The following NEK11 variants were observed in gnomAD, a reference collection of about 807,000 sequenced individuals.
NEK11 encodes serine/threonine-protein kinase Nek11.
Under a neutral mutation model 80.7 loss-of-function variants are expected in NEK11, and 72 were observed. The observed-to-expected ratio is 0.89, with a 90% CI of 0.74 to 1.08. The LOEUF is 1.08. Among genes scored for constraint, NEK11 ranks in the 50% least tolerant of loss-of-function variants. The pLI, the probability that NEK11 is intolerant of heterozygous loss-of-function variation, is 0.00. For missense variants in NEK11, 764 were observed against 763.6 expected (o/e 1.00, Z -0.01); for synonymous variants, 251 against 260.7 (o/e 0.96, Z 0.36).
At chr3:131,049,107 T>C (rs2067921659) in intron 3 of NEK11, among the ~76,000 whole-genome samples, 2 of 152,230 alleles carry the variant, frequency 1.3e-5, no homozygotes, top group South Asian at 4.1e-4. Context: ...TTTTTGGTTG[T>C]AGTTAGCTAA....
intron 12 of NEK11, among the ~76,000 whole-genome samples, chr3:131,166,776 C>A (rs1045546804): frequency 6.6e-6 from 1 of 152,076 alleles, no homozygotes. Context: ...GCCATGGGGT[C>A]AACAATAGGG....
At chr3:131,233,010 A>AAGGAAGGT (rs1406462228) in intron 15 of NEK11, among the ~76,000 whole-genome samples, 1 of 151,126 alleles carries the variant, frequency 6.6e-6, no homozygotes, top group East Asian at 2.0e-4. Context: ...GGAAGGAAGG[A>AAGGAAGGT]AGGAAGGAAG....
chr3:131,338,836 A>G (rs1192472714), intron 17 of NEK11, among the ~76,000 whole-genome samples: 1 of 152,216 alleles, frequency 6.6e-6, no homozygotes, highest in Non-Finnish European at 1.5e-5. Flanking sequence ...CAAGGGGTGG[A>G]GGGAGGACTT....
rs113985656 is a variant in NEK11, at chr3:131,316,902, T to C, written c.1719-32655T>C. ...TATAAAAGCACCTGGTTCCAAAGCA[T>C]ATAGGAACAATCCTAACTTTGCTGG... On this transcript the variant is annotated intron_variant, in intron 17 of 17. Coordinates refer to ENST00000383366, the MANE Select transcript of NEK11 (RefSeq NM_024800.5). Among the ~76,000 whole-genome samples the C allele has an allele frequency of 1.4e-3, 219 of 152,282 alleles. 1 individual carries two copies. Among genetic ancestry groups the C allele is most frequent in the Middle Eastern group, 3.4e-3 (1 of 294 alleles).
intron 14 of NEK11, among the ~76,000 whole-genome samples, chr3:131,202,233 T>C (rs562773848): frequency 3.0e-4 from 45 of 152,114 alleles, no homozygotes; most frequent in African/African-American, 9.9e-4. Flanking sequence ...GTTCATCTCA[T>C]TGGGACGGGC....
At chr3:131,113,150 A>G (rs1348258595) in intron 5 of NEK11, among the ~76,000 whole-genome samples, 1 of 152,182 alleles carries the variant, frequency 6.6e-6, no homozygotes, top group East Asian at 1.9e-4. Flanking sequence ...TGTATCTGAG[A>G]TGTGATAGAA....
intron 1 of NEK11, chr3:131,027,586 TAAA>T (rs2064072248): frequency 6.6e-6 from 1 of 152,116 alleles, no homozygotes; most frequent in South Asian, 2.1e-4. Context: ...GATGCAGAAA[TAAA>T]GAAGATGTGT....
intron 16 of NEK11, among the ~76,000 whole-genome samples, chr3:131,249,410 T>G (rs1041061856): frequency 6.6e-6 from 1 of 152,076 alleles, no homozygotes; most frequent in Admixed American, 6.6e-5. Flanking sequence ...TGGTTGACAG[T>G]GTGCGTAAGG....
At chr3:131,037,161 A>G (rs559013431) in intron 3 of NEK11, among the ~76,000 whole-genome samples, 2 of 152,288 alleles carry the variant, frequency 1.3e-5, no homozygotes, top group East Asian at 3.9e-4. Flanking sequence ...AGCATAACTG[A>G]AAAACTAAGG....
rs370910298 is a variant in NEK11, at chr3:131,120,595, C to G, written c.455+10674C>G. Among the ~76,000 whole-genome samples, 438 of 152,232 alleles carry G rather than the reference C, an allele frequency of 2.9e-3. 1 individual carries two copies. Among genetic ancestry groups the G allele is most frequent in the Non-Finnish European group, 5.1e-3 (347 of 68,012 alleles). On this transcript the variant is annotated intron_variant, in intron 5 of 17. Transcript: ENST00000383366. Reference sequence around the variant, plus strand: ...TGTTTTCCAAGTTGGTTCTATTCTCCCTGTCGCTTTCAGGTACACTAATCA... The same window carrying G: ...TGTTTTCCAAGTTGGTTCTATTCTCGCTGTCGCTTTCAGGTACACTAATCA...
chr3:131,065,407 T>A (rs2071730952), intron 3 of NEK11, among the ~76,000 whole-genome samples: 1 of 152,252 alleles, frequency 6.6e-6, no homozygotes, highest in African/African-American at 2.4e-5. Context: ...TTAAGACCCC[T>A]CAACATCTTA....
intron 5 of NEK11, among the ~76,000 whole-genome samples, chr3:131,126,361 T>A (rs2083334623): frequency 6.6e-6 from 1 of 152,232 alleles, no homozygotes; most frequent in South Asian, 2.1e-4. Flanking sequence ...ACGTGAATGA[T>A]AAACACTCAG....
chr3:131,093,155 G>A (rs911339278), intron 4 of NEK11, among the ~76,000 whole-genome samples: 3 of 152,164 alleles, frequency 2.0e-5, no homozygotes, highest in Non-Finnish European at 4.4e-5. Flanking sequence ...GATACTTTGT[G>A]TGTTAGAAAT....
intron 14 of NEK11, chr3:131,174,770 C>T (rs765749545): frequency 4.3e-6 from 7 of 1,610,224 alleles, no homozygotes; most frequent in South Asian, 2.2e-5. Context: ...TTTTTAGCAA[C>T]TCACAGCTGA....
chr3:131,350,063 G>A lies in NEK11; in HGVS notation c.*287G>A. ...TGTGCGCCCTCAGGGCTTCCAGCAG[G>A]ATTGAGTCACCCTGACGATGACCGG... On this transcript the variant is annotated 3_prime_UTR_variant, in exon 18 of 18. Transcript: ENST00000383366. 1 of 356,056 alleles carries A rather than the reference G, an allele frequency of 2.8e-6. No individual in the cohort carries two copies. The highest frequency in any genetic ancestry group is 5.2e-6 in the Non-Finnish European group (1 of 191,672). The allele number at this position is 356,056 out of a possible 1,614,324, so 22.1% of individuals were successfully genotyped here.
chr3:131,343,054 G>A (rs950050444), intron 17 of NEK11, among the ~76,000 whole-genome samples: 1 of 152,116 alleles, frequency 6.6e-6, no homozygotes, highest in Non-Finnish European at 1.5e-5. Context: ...GAAAGAGTGT[G>A]CAGTAAAAAA....
intron 3 of NEK11, among the ~76,000 whole-genome samples, chr3:131,076,353 T>C (rs1412397920): frequency 6.6e-6 from 1 of 152,252 alleles, no homozygotes; most frequent in Admixed American, 6.5e-5. Flanking sequence ...GAAATGTTAA[T>C]TCTGATAATT....
At chr3:131,277,265 C>A (rs1431390894) in intron 17 of NEK11, among the ~76,000 whole-genome samples, 1 of 152,178 alleles carries the variant, frequency 6.6e-6, no homozygotes, top group Non-Finnish European at 1.5e-5. Context: ...TCACATGTTA[C>A]TTTTAAGGAA....
chr3:131,346,853 A>C (rs1387320223), intron 17 of NEK11, among the ~76,000 whole-genome samples: 1 of 152,214 alleles, frequency 6.6e-6, no homozygotes, highest in Non-Finnish European at 1.5e-5. Context: ...TGATGAGGTC[A>C]ATTGATATGA....
Sources: allele counts gnomAD v4.1 joint callset (sites outside exome capture counted in the v4.1 genomes callset), GRCh38; gene constraint gnomAD v4.1.1; transcripts MANE v1.5; gene names NCBI Gene and HGNC (gene_info 2026-07-23, HGNC 2026-07-21).